WNT7B: variants seen among roughly 807,000 people sequenced by gnomAD.
The protein encoded by WNT7B is protein Wnt-7b.
WNT7B carries 19 observed loss-of-function variants against 38.2 expected under a neutral mutation model. The observed-to-expected ratio is 0.50, with a 90% CI of 0.35 to 0.73. The LOEUF (loss-of-function observed/expected upper bound fraction) is 0.73. Ranked by LOEUF, WNT7B falls within the 30% of genes least tolerant of loss-of-function variation. WNT7B has a pLI of 0.01. For missense variants in WNT7B, 423 were observed against 507.9 expected, an observed-to-expected ratio of 0.83 and a Z score of 1.61; for synonymous variants, 243 against 209.3, an observed-to-expected ratio of 1.16 and a Z score of -1.39.
At chr22:45,929,861 C>T (rs892910701) in intron 3 of WNT7B, among the ~76,000 whole-genome samples, 2 of 129,606 alleles carry the variant, frequency 1.5e-5, no homozygotes, top group Admixed American at 1.6e-4. Flanking sequence ...CTCATCCTTC[C>T]ATCCATCCAT....
At chr22:45,935,605 T>G (rs1931495154) in intron 2 of WNT7B, among the ~76,000 whole-genome samples, 1 of 152,182 alleles carries the variant, frequency 6.6e-6, no homozygotes, top group Non-Finnish European at 1.5e-5. Context: ...GGGCTCTCAC[T>G]GGGTGCCCCT....
At chr22:45,930,631 G>C (rs1425819668) in intron 3 of WNT7B, among the ~76,000 whole-genome samples, 2 of 152,182 alleles carry the variant, frequency 1.3e-5, no homozygotes, top group Admixed American at 1.3e-4. Context: ...CCGGCTCACA[G>C]CTTCCACCTT....
chr22:45,932,725 C>A (rs910293167), intron 2 of WNT7B, among the ~76,000 whole-genome samples: 13 of 152,216 alleles, frequency 8.5e-5, no homozygotes, highest in African/African-American at 3.1e-4. Flanking sequence ...ACCATGCCAG[C>A]TGGAGGACCA....
intron 1 of WNT7B, among the ~76,000 whole-genome samples, chr22:45,972,915 G>C (rs975169081): frequency 6.6e-6 from 1 of 152,280 alleles, no homozygotes; most frequent in South Asian, 2.1e-4. Flanking sequence ...GTGAGGACAG[G>C]TGTGTGTGCA....
rs1218685902 is a variant in WNT7B, at chr22:45,931,293, T to C, written c.375A>G (p.Gln125=). Residue 125 remains glutamine, a synonymous_variant, in exon 3 of 4, where the codon CAA becomes CAG. Coordinates refer to ENST00000339464, the MANE Select transcript of WNT7B (RefSeq NM_058238.3). Reference sequence around the variant, plus strand: ...CGCAGCCGCAGTTGCTCAGGTTCCCTTGGCTGCAGGCAGCGGTGACGGCGT... The same window carrying C: ...CGCAGCCGCAGTTGCTCAGGTTCCCCTGGCTGCAGGCAGCGGTGACGGCGT... ...VAHAVTAACS[Q]GNLSNCGCDR... The C allele has an allele frequency of 1.3e-6, 2 of 1,598,186 alleles. No individual in the cohort carries two copies. Among genetic ancestry groups the C allele is most frequent in the East Asian group, 4.5e-5 (2 of 44,832 alleles).
At chr22:45,940,952 C>T (rs927842569) in intron 2 of WNT7B, among the ~76,000 whole-genome samples, 2 of 152,200 alleles carry the variant, frequency 1.3e-5, no homozygotes, top group Admixed American at 1.3e-4. Flanking sequence ...AAGTCGGGGA[C>T]GGCCCTTGGG....
At chr22:45,936,620 T>C (rs1312518984) in intron 2 of WNT7B, among the ~76,000 whole-genome samples, 2 of 152,240 alleles carry the variant, frequency 1.3e-5, no homozygotes, top group African/African-American at 4.8e-5. Flanking sequence ...AAGGACCCCC[T>C]GGCTGGGCCC....
chr22:45,938,782 C>A (rs1196721032), intron 2 of WNT7B, among the ~76,000 whole-genome samples: 1 of 152,150 alleles, frequency 6.6e-6, no homozygotes, highest in African/African-American at 2.4e-5. Flanking sequence ...GTTCCCAACA[C>A]ATAGAAATGA....
At chr22:45,957,088 G>C (rs1035600220) in intron 1 of WNT7B, among the ~76,000 whole-genome samples, 1 of 139,504 alleles carries the variant, frequency 7.2e-6, no homozygotes, top group African/African-American at 2.8e-5. Flanking sequence ...CCTGGTGACA[G>C]AGCGAGACTC....
intron 2 of WNT7B, among the ~76,000 whole-genome samples, chr22:45,945,395 ATAGTATATTTTATT>A (rs1309774559): frequency 7.2e-5 from 11 of 152,368 alleles, no homozygotes; most frequent in Admixed American, 4.6e-4. Context: ...CTTAATTTTG[ATAGTATATTTTATT>A]TAGCCAATAT....
chr22:45,945,475 C>T (rs1160850800), intron 2 of WNT7B, among the ~76,000 whole-genome samples: 2 of 152,244 alleles, frequency 1.3e-5, no homozygotes, highest in Admixed American at 1.3e-4. Flanking sequence ...TCAAGAGATA[C>T]TGTATTTGCT....
At position 45,977,043 on chromosome 22, in the gene WNT7B, C is replaced by T. The variant is rs1327344258; in HGVS notation, c.-289G>A. On this transcript the variant is annotated 5_prime_UTR_variant, in exon 1 of 4. Coordinates refer to ENST00000339464, the MANE Select transcript of WNT7B (RefSeq NM_058238.3). ...CCCCTGCAAGCGCGGGCCGGGGGCC[C>T]GGGCGCGGCTGGCGGGCGGGTGCAG... The T allele has an allele frequency of 3.0e-6, 3 of 984,142 alleles. No homozygotes were observed. In the African/African-American group the frequency reaches 5.3e-5, roughly 17 times the overall value. The allele number at this position is 984,142 out of a possible 1,614,324, so 61.0% of individuals were successfully genotyped here.
At chr22:45,949,735 C>T (rs1047712186) in intron 2 of WNT7B, among the ~76,000 whole-genome samples, 185 bp downstream of exon 2, 1 of 152,232 alleles carries the variant, frequency 6.6e-6, no homozygotes, top group Non-Finnish European at 1.5e-5. Flanking sequence ...GCCTCCCCTG[C>T]CCCAGAAGCA....
chr22:45,962,619 A>G (rs1932221897), intron 1 of WNT7B, among the ~76,000 whole-genome samples: 2 of 152,304 alleles, frequency 1.3e-5, no homozygotes, highest in South Asian at 4.1e-4. Flanking sequence ...TGGGACTGAA[A>G]TTCAGCTATG....
rs185631489 is a variant in WNT7B at position 45,966,061 on chromosome 22, C to T, written c.71+10623G>A. On this transcript the variant is annotated intron_variant, in intron 1 of 3. Coordinates refer to ENST00000339464, the MANE Select transcript of WNT7B (RefSeq NM_058238.3). The surrounding 1 kb of genome is among the most constrained non-coding windows in gnomAD (Gnocchi z 4.2). ...TCACTCCACCACCTACCAAGGCAGA[C>T]GGGCCTCTCCTAGCTCCCCTTCTCT... 3.1e-4 allele frequency among the ~76,000 whole-genome samples: 47 copies of T among 152,270 alleles called. 1 individual carries two copies. Among genetic ancestry groups the T allele is most frequent in the African/African-American group, 1.0e-3 (42 of 41,564 alleles).
At chr22:45,939,967 A>G (rs1459373306) in intron 2 of WNT7B, among the ~76,000 whole-genome samples, 1 of 152,224 alleles carries the variant, frequency 6.6e-6, no homozygotes, top group African/African-American at 2.4e-5. Context: ...GAGTGTTGCC[A>G]GGGGCGAGAG....
At chr22:45,927,271 C>A in intron 3 of WNT7B, 4 of 985,398 alleles carry the variant, frequency 4.1e-6, no homozygotes, top group Non-Finnish European at 4.8e-6. Context: ...CGCACAGGCA[C>A]CCTGCGGCAG....
intron 1 of WNT7B, 104 bp from the exon 2 acceptor site, chr22:45,950,250 C>T: frequency 1.0e-6 from 1 of 961,710 alleles, no homozygotes; most frequent in South Asian, 1.5e-5. Context: ...AGGCCCTGCA[C>T]TAGCTCCGCC....
intron 1 of WNT7B, among the ~76,000 whole-genome samples, chr22:45,959,527 G>A (rs1932147918): frequency 6.6e-6 from 1 of 152,144 alleles, no homozygotes; most frequent in African/African-American, 2.4e-5. Flanking sequence ...TGACAAAGAT[G>A]TGGGCTCGTG....
Sources: allele counts gnomAD v4.1 joint callset (sites outside exome capture counted in the v4.1 genomes callset), GRCh38; gene constraint gnomAD v4.1.1; non-coding constraint Gnocchi (gnomAD v3.1); transcripts MANE v1.5; gene names NCBI Gene and HGNC (gene_info 2026-07-23, HGNC 2026-07-21).